ESR1: variants seen among roughly 807,000 people sequenced by gnomAD.
ESR1 encodes estrogen receptor 1, also known as estrogen receptor.
Under a neutral mutation model 52.7 loss-of-function variants are expected in ESR1, and 12 were observed. The observed-to-expected ratio is 0.23, with a 90% CI of 0.15 to 0.37. The LOEUF (loss-of-function observed/expected upper bound fraction) is 0.37, where lower values mean the gene tolerates loss of function less well. ESR1 is among the 10% of genes least tolerant of loss of function. The pLI is 1.00. For missense variants in ESR1, 584 were observed against 779.7 expected (o/e 0.75, Z 2.99); for synonymous variants, 305 against 316.8 (o/e 0.96, Z 0.39).
intron 2 of ESR1, among the ~76,000 whole-genome samples, chr6:151,725,226 A>G (rs148375951): frequency 0.012 from 1,860 of 152,226 alleles, 36 homozygotes; most frequent in Admixed American, 0.03. Flanking sequence ...GGTTTAGTAT[A>G]TCACTAAATA....
downstream of ESR1, among the ~76,000 whole-genome samples, chr6:152,107,910 A>G (rs1056917813): frequency 2.6e-5 from 4 of 152,154 alleles, no homozygotes; most frequent in Admixed American, 6.5e-5. Flanking sequence ...AGTTGCCCCT[A>G]TCTCCACAGC....
intron 5 of ESR1, among the ~76,000 whole-genome samples, chr6:152,042,462 A>C (rs1019275314): frequency 4.6e-5 from 7 of 152,152 alleles, no homozygotes; most frequent in African/African-American, 1.7e-4. Flanking sequence ...ATGTCTGATT[A>C]TTTCCCTTTC....
At chr6:152,111,687 C>G (rs146248800) in intron 6 of ESR1, among the ~76,000 whole-genome samples, 8 of 152,132 alleles carry the variant, frequency 5.3e-5, no homozygotes, top group Admixed American at 5.2e-4. Context: ...AGACCACAGG[C>G]TGGAAGGGAG....
At chr6:151,989,213 G>C (rs1237095222) in intron 4 of ESR1, among the ~76,000 whole-genome samples, 3 of 152,130 alleles carry the variant, frequency 2.0e-5, no homozygotes, top group African/African-American at 4.8e-5. Flanking sequence ...TTTAAGGCCT[G>C]TTAAGCAGAC....
At chr6:151,664,733 T>C (rs78623021) in intron 1 of ESR1, among the ~76,000 whole-genome samples, 309 of 152,386 alleles carry the variant, frequency 2.0e-3, no homozygotes, top group Non-Finnish European at 3.8e-3. Flanking sequence ...AAAGTTCTAC[T>C]TTTTTCTTTT....
chr6:151,980,645 G>T (rs933139533), intron 4 of ESR1, among the ~76,000 whole-genome samples: 2 of 152,144 alleles, frequency 1.3e-5, no homozygotes, highest in African/African-American at 4.8e-5. Flanking sequence ...TAGCATGTCT[G>T]GGTTACCTTT....
chr6:151,989,223 C>T (rs1584680417), intron 4 of ESR1, among the ~76,000 whole-genome samples: 1 of 152,072 alleles, frequency 6.6e-6, no homozygotes, highest in Non-Finnish European at 1.5e-5. Context: ...GTTAAGCAGA[C>T]CCAACATCAA....
At chr6:151,833,015 G>A (rs1001871186) in intron 1 of ESR1, among the ~76,000 whole-genome samples, 4 of 152,172 alleles carry the variant, frequency 2.6e-5, no homozygotes, top group African/African-American at 9.7e-5. Flanking sequence ...ATGCTCTGGG[G>A]CCACATGCAG....
intron 1 of ESR1, among the ~76,000 whole-genome samples, chr6:151,817,466 T>G (rs775354382): frequency 1.2e-4 from 19 of 152,144 alleles, no homozygotes; most frequent in Non-Finnish European, 2.6e-4. Flanking sequence ...CAAACCCAGG[T>G]CTGCTAGATT....
intron 6 of ESR1, among the ~76,000 whole-genome samples, chr6:152,089,744 A>C (rs2050028718): frequency 6.6e-6 from 1 of 152,060 alleles, no homozygotes; most frequent in African/African-American, 2.4e-5. Context: ...ACACCTGACT[A>C]ATTTTTGTAA....
chr6:151,897,154 G>A (rs552157647), intron 3 of ESR1, among the ~76,000 whole-genome samples: 2 of 152,290 alleles, frequency 1.3e-5, no homozygotes, highest in African/African-American at 4.8e-5. Flanking sequence ...TGTATATTCT[G>A]TGGTTGTTGG....
chr6:151,857,825 AG>A (rs1400846253), intron 2 of ESR1, among the ~76,000 whole-genome samples: 1 of 152,170 alleles, frequency 6.6e-6, no homozygotes, highest in African/African-American at 2.4e-5. Context: ...TACCACACCC[AG>A]TTGCAATGGG....
intron 5 of ESR1, among the ~76,000 whole-genome samples, chr6:152,044,708 G>A (rs577523502): frequency 5.9e-5 from 9 of 152,260 alleles, no homozygotes; most frequent in South Asian, 2.1e-4. Flanking sequence ...GATGGAAGCC[G>A]GAAGACTTAG....
intron 4 of ESR1, among the ~76,000 whole-genome samples, chr6:152,009,920 C>T (rs543321564): frequency 6.6e-6 from 1 of 152,212 alleles, no homozygotes; most frequent in Non-Finnish European, 1.5e-5. Context: ...ATCAACTGTT[C>T]ATCATACATA....
chr6:151,943,561 G>C (rs1290338838), intron 3 of ESR1, among the ~76,000 whole-genome samples: 1 of 152,118 alleles, frequency 6.6e-6, no homozygotes, highest in Non-Finnish European at 1.5e-5. Flanking sequence ...AGGGTGATGA[G>C]GAGCAGGTTA....
At chr6:151,769,702 T>C (rs1785354690) in intron 2 of ESR1, among the ~76,000 whole-genome samples, 1 of 152,234 alleles carries the variant, frequency 6.6e-6, no homozygotes, top group African/African-American at 2.4e-5. Context: ...GAGGTTTCTG[T>C]AAAATGTCCA....
intron 4 of ESR1, among the ~76,000 whole-genome samples, chr6:151,968,667 A>G (rs1204708964): frequency 6.6e-6 from 1 of 152,108 alleles, no homozygotes; most frequent in Non-Finnish European, 1.5e-5. Flanking sequence ...ATATTTACAA[A>G]TGGGAGTCAA....
Position 152,100,031 on chromosome 6 carries a change from G to A in ESR1, c.*1065G>A. On this transcript the variant is annotated 3_prime_UTR_variant, in exon 8 of 8. Transcript: ENST00000206249. The stretch of plus-strand genomic sequence containing the variant: ...TGTTGTGGCTACTAGAGAACAAGAG[G>A]GAAAGTAGGGCAGAAACTGGATACA... The A allele has an allele frequency of 2.5e-6, 1 of 398,856 alleles. No individual in the cohort carries two copies. Among genetic ancestry groups the A allele is most frequent in the Admixed American group, 4.4e-5 (1 of 22,742 alleles). The allele number at this position is 398,856 out of a possible 1,614,324, so 24.7% of individuals were successfully genotyped here.
chr6:152,024,896 G>T (rs2044004709), intron 5 of ESR1, among the ~76,000 whole-genome samples: 1 of 150,882 alleles, frequency 6.6e-6, no homozygotes. Flanking sequence ...AGTCCATGGG[G>T]TTTCCTAGTA....
Sources: gnomAD v4.1 joint callset for allele counts (sites outside exome capture counted in the v4.1 genomes callset) on GRCh38, gnomAD v4.1.1 for gene constraint, MANE v1.5 for transcripts, NCBI Gene and HGNC (gene_info 2026-07-23, HGNC 2026-07-21) for gene names.